EPB41L3: variants seen among roughly 807,000 people sequenced by gnomAD.
The protein encoded by EPB41L3 is erythrocyte membrane protein band 4.1 like 3.
A neutral mutation model predicts 127.1 loss-of-function variants in EPB41L3; 57 were observed. The observed-to-expected ratio is 0.45, with a 90% CI of 0.36 to 0.56. The LOEUF (loss-of-function observed/expected upper bound fraction) is 0.56. Ranked by LOEUF, EPB41L3 falls within the 20% of genes least tolerant of loss-of-function variation. The pLI is 0.00. For missense variants in EPB41L3, 1,273 were observed against 1,372.2 expected (o/e 0.93, Z 1.14); for synonymous variants, 572 against 549.5 (o/e 1.04, Z -0.57).
At chr18:5,466,413 G>C (rs867961423) in intron 3 of EPB41L3, 2 of 152,184 alleles carry the variant, frequency 1.3e-5, no homozygotes, top group Non-Finnish European at 2.9e-5. Context: ...GCCAGTGTGC[G>C]TGTCAGTAGT....
chr18:5,416,347 A>G lies in EPB41L3; in HGVS notation c.1538T>C (p.Leu513Ser). The change falls in exon 13 of 23, where the codon TTG (leucine) becomes TCG (serine). Residue 513 changes from leucine to serine, a missense_variant. By Grantham distance (145) the Leu-to-Ser change is moderately radical. This residue lies in a region of EPB41L3 where 765 missense variants were observed against 782.9 expected (regional missense o/e 0.98). Coordinates refer to ENST00000341928, the MANE Select transcript of EPB41L3 (RefSeq NM_012307.5). Reference sequence around the variant, plus strand: ...GGCACAATGGGTGGATGGGGGTGACAAGGGACATGAGTCAGTGCCAAGCCC... The same window carrying G: ...GGCACAATGGGTGGATGGGGGTGACGAGGGACATGAGTCAGTGCCAAGCCC... ...SPGLGTDSCP[L>S]SPPSTHCAPT... The G allele has an allele frequency of 1.2e-6, 2 of 1,613,796 alleles. No homozygotes were observed. Among genetic ancestry groups the G allele is most frequent in the Non-Finnish European group, 1.7e-6 (2 of 1,179,972 alleles).
At chr18:5,593,829 C>T (rs935216310) in intron 3 of EPB41L3, among the ~76,000 whole-genome samples, 3 of 152,146 alleles carry the variant, frequency 2.0e-5, no homozygotes, top group South Asian at 2.1e-4. Context: ...AACAATTCAG[C>T]GATATTTCTC....
intron 3 of EPB41L3, among the ~76,000 whole-genome samples, chr18:5,560,427 G>A (rs535756596): frequency 6.6e-6 from 1 of 152,010 alleles, no homozygotes; most frequent in Non-Finnish European, 1.5e-5. Flanking sequence ...AACTATTTTG[G>A]CAGTACAATC....
chr18:5,536,573 G>A (rs576940245), intron 1 of EPB41L3, among the ~76,000 whole-genome samples: 12 of 151,510 alleles, frequency 7.9e-5, no homozygotes, highest in South Asian at 2.1e-4. Flanking sequence ...AGGCCAAGGC[G>A]GGCAGATCAT....
intron 1 of EPB41L3, among the ~76,000 whole-genome samples, chr18:5,513,592 C>G (rs1177859130): frequency 6.6e-6 from 1 of 152,184 alleles, no homozygotes; most frequent in East Asian, 1.9e-4. Context: ...TACTTGGGCT[C>G]AACTGACTCC....
At chr18:5,524,512 T>C (rs1016616569) in intron 1 of EPB41L3, among the ~76,000 whole-genome samples, 5 of 152,168 alleles carry the variant, frequency 3.3e-5, no homozygotes, top group African/African-American at 7.2e-5. Context: ...TTAACTACTA[T>C]AGTACACAGC....
intron 1 of EPB41L3, among the ~76,000 whole-genome samples, chr18:5,493,974 T>G (rs1025777221): frequency 1.3e-5 from 2 of 152,106 alleles, no homozygotes; most frequent in Non-Finnish European, 2.9e-5. Flanking sequence ...TTTCTAAACT[T>G]CACAATTCTT....
intron 3 of EPB41L3, among the ~76,000 whole-genome samples, chr18:5,473,627 A>C (rs2086578021): frequency 6.6e-6 from 1 of 152,104 alleles, no homozygotes; most frequent in South Asian, 2.1e-4. Flanking sequence ...GGAAGCAGCA[A>C]AATGAAAATA....
intron 1 of EPB41L3, among the ~76,000 whole-genome samples, chr18:5,523,592 A>G (rs1293112755): frequency 6.6e-6 from 1 of 152,108 alleles, no homozygotes; most frequent in Non-Finnish European, 1.5e-5. Flanking sequence ...TGAGGTCAGG[A>G]GTGATCAACA....
At chr18:5,627,589 G>C (rs113109668) in intron 1 of EPB41L3, among the ~76,000 whole-genome samples, 3 of 152,118 alleles carry the variant, frequency 2.0e-5, no homozygotes, top group African/African-American at 7.2e-5. Flanking sequence ...GGGATATATA[G>C]TTTAATATTC....
chr18:5,445,679 C>A (rs1409124453), intron 3 of EPB41L3, among the ~76,000 whole-genome samples: 2 of 152,172 alleles, frequency 1.3e-5, no homozygotes, highest in Non-Finnish European at 2.9e-5. Flanking sequence ...GTCCTCAGCC[C>A]CTGGGCCATG....
intron 3 of EPB41L3, among the ~76,000 whole-genome samples, chr18:5,598,387 T>C (rs1347536104): frequency 6.6e-6 from 1 of 152,216 alleles, no homozygotes; most frequent in Non-Finnish European, 1.5e-5. Context: ...ATTGTTCTAT[T>C]TTGGAAAATG....
At chr18:5,399,516 T>C (rs1174058888) in intron 16 of EPB41L3, 1 of 397,348 alleles carries the variant, frequency 2.5e-6, no homozygotes, top group African/African-American at 2.1e-5. Context: ...GCTCATGTTA[T>C]TATCTAATAA....
chr18:5,455,352 T>C (rs1203461237), intron 3 of EPB41L3, among the ~76,000 whole-genome samples: 3 of 152,216 alleles, frequency 2.0e-5, no homozygotes, highest in African/African-American at 7.2e-5. Flanking sequence ...TCAAAAATAG[T>C]ATTGATATTA....
chr18:5,423,386 A>G lies in EPB41L3; in HGVS notation c.1331T>C (p.Leu444Ser). 6.2e-7 allele frequency: 1 copy of G among 1,602,852 alleles called. No individual in the cohort carries two copies. Among genetic ancestry groups the G allele is most frequent in the Non-Finnish European group, 8.5e-7 (1 of 1,171,876 alleles). ...CAGTAAGCGATGCCTACCTCCATCCAAGCTGCGAGACATGGTATAACGTTT... is the reference window on the plus strand; with the variant it reads ...CAGTAAGCGATGCCTACCTCCATCCGAGCTGCGAGACATGGTATAACGTTT... ...SSKRYTMSRS[L>S]DGEVGTGQYA... The change falls in exon 11 of 23, where the codon TTG becomes TCG. Residue 444 changes from leucine to serine, a missense_variant. Coordinates refer to ENST00000341928, the MANE Select transcript of EPB41L3 (RefSeq NM_012307.5).
chr18:5,396,720 G>A (rs928763513), intron 18 of EPB41L3, among the ~76,000 whole-genome samples: 9 of 152,166 alleles, frequency 5.9e-5, no homozygotes, highest in African/African-American at 2.2e-4. Context: ...CTGGAAAAGT[G>A]CACTGATAAG....
intron 3 of EPB41L3, among the ~76,000 whole-genome samples, chr18:5,575,673 C>T (rs888775411): frequency 6.6e-6 from 1 of 152,054 alleles, no homozygotes; most frequent in Non-Finnish European, 1.5e-5. Flanking sequence ...CCCATCTCTA[C>T]TAAAAATATA....
At chr18:5,433,779 G>C in intron 7 of EPB41L3, 124 bp downstream of exon 7, 1 of 1,106,674 alleles carries the variant, frequency 9.0e-7, no homozygotes, top group Non-Finnish European at 1.4e-6. Context: ...TACTGTGCAT[G>C]GACCCACACT....
intron 16 of EPB41L3, among the ~76,000 whole-genome samples, chr18:5,404,324 G>A (rs772067962): frequency 7.2e-5 from 11 of 152,122 alleles, no homozygotes; most frequent in Non-Finnish European, 1.3e-4. Flanking sequence ...ACAGTGTGAC[G>A]GAGCACTGAG....
Sources: gnomAD v4.1 joint callset for allele counts (sites outside exome capture counted in the v4.1 genomes callset) on GRCh38, gnomAD v4.1.1 for gene constraint, gnomAD v4.1.1 regional missense constraint, MANE v1.5 for transcripts, NCBI Gene and HGNC (gene_info 2026-07-23, HGNC 2026-07-21) for gene names.